Variants in SORCS2 observed in about 807,000 individuals in gnomAD.
The protein encoded by SORCS2 is sortilin related VPS10 domain containing receptor 2.
SORCS2 carries 100 observed loss-of-function variants against 141.6 expected under a neutral mutation model. The ratio of observed to expected loss-of-function variants is 0.71; its 90% CI spans 0.60 to 0.83. SORCS2 has a LOEUF of 0.83. Among genes scored for constraint, SORCS2 ranks in the 40% least tolerant of loss-of-function variants. The pLI, the probability that SORCS2 is intolerant of heterozygous loss-of-function variation, is 0.00. For synonymous variants in SORCS2, 789 were observed against 676.9 expected (o/e 1.17, Z -2.57); for missense variants, 1,646 against 1,560.2 (o/e 1.05, Z -0.93).
chr4:7,527,269 T>A (rs1247171899), intron 2 of SORCS2, among the ~76,000 whole-genome samples: 4 of 152,224 alleles, frequency 2.6e-5, no homozygotes, highest in Non-Finnish European at 5.9e-5. Context: ...CCCCGGAAAC[T>A]GTGACTATGC....
chr4:7,627,472 G>T (rs539675327), intron 3 of SORCS2, among the ~76,000 whole-genome samples: 4 of 152,198 alleles, frequency 2.6e-5, no homozygotes, highest in Admixed American at 6.5e-5. Flanking sequence ...CATGCCATGG[G>T]GGGTGAATGG....
At position 7,740,928 on chromosome 4, in the gene SORCS2, G is replaced by T. The variant is rs1322036445; in HGVS notation, c.*664G>T. ...CTCTGTCAGAGTTCCGTACTCGGGA[G>T]CCCCTTTCCCTGAGTGCCCAGGGTG... On this transcript the variant is annotated 3_prime_UTR_variant, in exon 27 of 27. Transcript: ENST00000507866. 1.5e-5 allele frequency: 6 copies of T among 397,992 alleles called. No individual in the cohort carries two copies. Among genetic ancestry groups the T allele is most frequent in the Non-Finnish European group, 1.3e-5 (3 of 226,412 alleles). 24.7% of individuals were successfully genotyped at this position (397,992 alleles called of 1,614,324 possible).
chr4:7,509,775 C>G (rs1490390360), intron 2 of SORCS2, among the ~76,000 whole-genome samples: 2 of 152,168 alleles, frequency 1.3e-5, no homozygotes, highest in African/African-American at 4.8e-5. Context: ...CACCGCCCAC[C>G]GGGGCTGTGT....
At position 7,233,357 on chromosome 4, in the gene SORCS2, C is replaced by T. The variant is rs978059101; in HGVS notation, c.480+40231C>T. Among the ~76,000 whole-genome samples the T allele has an allele frequency of 2.0e-5, 3 of 152,168 alleles. No individual in the cohort carries two copies. Among genetic ancestry groups the T allele is most frequent in the East Asian group, 1.9e-4 (1 of 5,188 alleles). On this transcript the variant is annotated intron_variant, in intron 1 of 26. Transcript: ENST00000507866. The surrounding 1 kb of genome is among the most constrained non-coding windows in gnomAD (Gnocchi z 4.5). Reference sequence around the variant, plus strand: ...CATCATGATGACGTCTCCTGGCCACCGCTGAGCACCTGCTCCAGGGCAGAC... The same window carrying T: ...CATCATGATGACGTCTCCTGGCCACTGCTGAGCACCTGCTCCAGGGCAGAC...
intron 1 of SORCS2, among the ~76,000 whole-genome samples, chr4:7,297,034 T>C (rs944787394): frequency 5.9e-5 from 9 of 152,236 alleles, no homozygotes; most frequent in Non-Finnish European, 1.0e-4. Flanking sequence ...GGGACAGCCA[T>C]GCCCCCTGTC....
chr4:7,601,521 A>C (rs1343290174), intron 3 of SORCS2, among the ~76,000 whole-genome samples: 1 of 144,648 alleles, frequency 6.9e-6, no homozygotes, highest in African/African-American at 2.6e-5. Flanking sequence ...CAGGAGGCTG[A>C]GGTGGGAGGA....
intron 1 of SORCS2, among the ~76,000 whole-genome samples, chr4:7,323,040 C>T (rs1718998937): frequency 6.6e-6 from 1 of 152,164 alleles, no homozygotes; most frequent in South Asian, 2.1e-4. Flanking sequence ...TGTTATCACA[C>T]ATAGGAAATG....
chr4:7,640,097 T>C (rs1206513107), intron 4 of SORCS2, among the ~76,000 whole-genome samples: 4 of 150,558 alleles, frequency 2.7e-5, no homozygotes, highest in African/African-American at 7.3e-5. Flanking sequence ...CAGTGTGTGC[T>C]TGTAGGTGTG....
chr4:7,556,648 C>A (rs1577743401), intron 3 of SORCS2, among the ~76,000 whole-genome samples: 1 of 152,264 alleles, frequency 6.6e-6, no homozygotes, highest in East Asian at 1.9e-4. Context: ...ATGTACCCAT[C>A]TGCCCATCCA....
At chr4:7,667,053 T>G in intron 7 of SORCS2, 71 bp from the exon 8 acceptor site, 12 of 1,367,740 alleles carry the variant, frequency 8.8e-6, no homozygotes, top group Middle Eastern at 1.8e-4. Flanking sequence ...TAACATGTAG[T>G]TTTTCATTCA....
At chr4:7,528,490 A>T (rs1339304307) in intron 2 of SORCS2, among the ~76,000 whole-genome samples, 1 of 151,852 alleles carries the variant, frequency 6.6e-6, no homozygotes, top group Non-Finnish European at 1.5e-5. Context: ...CAGTGGTGCG[A>T]TCTCAGCTCA....
intron 1 of SORCS2, among the ~76,000 whole-genome samples, chr4:7,353,392 C>A (rs116303899): frequency 6.6e-6 from 1 of 152,186 alleles, no homozygotes; most frequent in Non-Finnish European, 1.5e-5. Flanking sequence ...TGGTTCCACA[C>A]TGAACCTAGG....
At chr4:7,520,006 C>T (rs1733223939) in intron 2 of SORCS2, among the ~76,000 whole-genome samples, 1 of 152,182 alleles carries the variant, frequency 6.6e-6, no homozygotes, top group South Asian at 2.1e-4. Context: ...GGCTTACCCC[C>T]TTCAGTGCTG....
intron 1 of SORCS2, among the ~76,000 whole-genome samples, chr4:7,369,982 C>T (rs774788660): frequency 1.3e-5 from 2 of 152,234 alleles, no homozygotes; most frequent in Non-Finnish European, 2.9e-5. Context: ...TATTCTCCCT[C>T]TCTGAGCCTC....
At chr4:7,471,153 G>C (rs926335405) in intron 2 of SORCS2, among the ~76,000 whole-genome samples, 1 of 152,194 alleles carries the variant, frequency 6.6e-6, no homozygotes, top group African/African-American at 2.4e-5. Context: ...GATGCGTTGG[G>C]AACAGGTCAG....
chr4:7,491,830 A>AG (rs1731332334), intron 2 of SORCS2, among the ~76,000 whole-genome samples: 1 of 152,064 alleles, frequency 6.6e-6, no homozygotes, highest in African/African-American at 2.4e-5. Context: ...TCAGGTCAGG[A>AG]GGGGTAGAAC....
At chr4:7,334,740 G>A (rs1267848156) in intron 1 of SORCS2, among the ~76,000 whole-genome samples, 1 of 152,140 alleles carries the variant, frequency 6.6e-6, no homozygotes, top group African/African-American at 2.4e-5. Context: ...AGGTGGGGAG[G>A]TTGCCACGGA....
At chr4:7,461,261 G>A (rs1014835866) in intron 2 of SORCS2, among the ~76,000 whole-genome samples, 3 of 152,186 alleles carry the variant, frequency 2.0e-5, no homozygotes, top group Non-Finnish European at 2.9e-5. Context: ...ATCTCTGAAC[G>A]TGAAAGATGC....
intron 1 of SORCS2, among the ~76,000 whole-genome samples, chr4:7,274,831 G>C (rs2108848186): frequency 6.6e-6 from 1 of 152,306 alleles, no homozygotes; most frequent in East Asian, 1.9e-4. Flanking sequence ...GGGGTGTCAG[G>C]CTGACTTGAA....
Sources: gnomAD v4.1 joint callset for allele counts (sites outside exome capture counted in the v4.1 genomes callset) on GRCh38, gnomAD v4.1.1 for gene constraint, Gnocchi (gnomAD v3.1) non-coding constraint, MANE v1.5 for transcripts, NCBI Gene and HGNC (gene_info 2026-07-23, HGNC 2026-07-21) for gene names.